IQSEC1: variants seen among roughly 807,000 people sequenced by gnomAD.
IQSEC1 encodes the protein IQ motif and SEC7 domain-containing protein 1.
In IQSEC1, 31 loss-of-function variants were observed where a neutral mutation model predicts 91.0. The ratio of observed to expected loss-of-function variants is 0.34; its 90% CI spans 0.26 to 0.46. IQSEC1 has a LOEUF of 0.46. IQSEC1 is among the 20% of genes least tolerant of loss of function. The probability of loss-of-function intolerance (pLI) is 1.00; values close to 1 mark genes in which losing one functional copy is unlikely to be tolerated. For missense variants in IQSEC1, 1,388 were observed against 1,575.6 expected (o/e 0.88, Z 2.02); for synonymous variants, 699 against 662.6 (o/e 1.05, Z -0.84).
intron 1 of IQSEC1, among the ~76,000 whole-genome samples, chr3:13,048,806 C>A (rs756396311): frequency 1.3e-4 from 20 of 152,332 alleles, no homozygotes; most frequent in Middle Eastern, 6.8e-3. Context: ...CACGCCATCC[C>A]TTAGGGACTC....
At chr3:13,106,419 C>G (rs1706152883) in intron 2 of IQSEC1, among the ~76,000 whole-genome samples, 1 of 152,140 alleles carries the variant, frequency 6.6e-6, no homozygotes. Context: ...AGTCTCTGTT[C>G]CGAGCACTTG....
At chr3:13,161,685 T>G (rs191806765) in intron 2 of IQSEC1, among the ~76,000 whole-genome samples, 1 of 152,332 alleles carries the variant, frequency 6.6e-6, no homozygotes, top group African/African-American at 2.4e-5. Context: ...CATCTTAGCC[T>G]CAGCAACACT....
chr3:12,901,942 C>G (rs1238164909), intron 13 of IQSEC1, among the ~76,000 whole-genome samples: 3 of 151,908 alleles, frequency 2.0e-5, no homozygotes, highest in Non-Finnish European at 4.4e-5. Flanking sequence ...CTGCTGAAAA[C>G]AGGGCCCTCA....
rs1694367955 is a variant in IQSEC1, at chr3:13,207,654, C to T, written c.273-43521G>A. Among the ~76,000 whole-genome samples, 1 of 152,210 alleles carries T rather than the reference C, an allele frequency of 6.6e-6. No individual in the cohort carries two copies. Among genetic ancestry groups the T allele is most frequent in the Admixed American group, 6.5e-5 (1 of 15,292 alleles). ...TGAGGCTCCTCACTTGTCCCCACCC[C>T]AGAGCCTCTGCACCCAGGGCTCCTT... On this transcript the variant is annotated intron_variant, in intron 1 of 15. Coordinates refer to the IQSEC1 transcript ENST00000648114. The surrounding 1 kb of genome is among the most constrained non-coding windows in gnomAD (Gnocchi z 4.8).
chr3:12,946,777 G>A (rs1184010809), intron 1 of IQSEC1, among the ~76,000 whole-genome samples: 2 of 152,172 alleles, frequency 1.3e-5, no homozygotes, highest in African/African-American at 2.4e-5. Flanking sequence ...AAAAAGCCAG[G>A]AGCAAAAATA....
intron 1 of IQSEC1, among the ~76,000 whole-genome samples, chr3:13,049,511 TCA>T (rs1227729639): frequency 2.6e-5 from 4 of 152,192 alleles, no homozygotes; most frequent in Non-Finnish European, 5.9e-5. Flanking sequence ...TGCTCCCACT[TCA>T]CAGAGGCTGA....
At chr3:13,213,766 T>C (rs1214910294) in intron 1 of IQSEC1, among the ~76,000 whole-genome samples, 2 of 152,044 alleles carry the variant, frequency 1.3e-5, no homozygotes, top group African/African-American at 4.8e-5. Flanking sequence ...AGGGATGGGA[T>C]TGGGAACATC....
At chr3:13,122,901 G>A (rs1706448291) in intron 2 of IQSEC1, among the ~76,000 whole-genome samples, 1 of 152,206 alleles carries the variant, frequency 6.6e-6, no homozygotes, top group African/African-American at 2.4e-5. Context: ...ATCTAATGGA[G>A]GAAGAGCCTT....
In IQSEC1 at chr3:13,154,460, T is replaced by TATATAC. The variant is rs1553569713; in HGVS notation, c.302+9643_302+9644insGTATAT. The stretch of plus-strand genomic sequence containing the variant: ...ATGCATATATATATATATATATATA[T>TATATAC]ATATATATATATATATGCAAAAACT... On this transcript the variant is annotated intron_variant, in intron 2 of 15. Coordinates refer to the IQSEC1 transcript ENST00000648114. Among the ~76,000 whole-genome samples, 8 of 59,434 alleles carry TATATAC rather than the reference T, an allele frequency of 1.3e-4. 3 individuals carry two copies. Among genetic ancestry groups the TATATAC allele is most frequent in the African/African-American group, 5.9e-4 (8 of 13,496 alleles). The allele number at this position is 59,434 out of a possible 152,430, so 39.0% of individuals were successfully genotyped here. A position where few individuals can be genotyped will look rare whatever the true frequency, so the allele number is the denominator to read the frequency against.
At chr3:13,107,851 C>G (rs937459832) in intron 2 of IQSEC1, among the ~76,000 whole-genome samples, 5 of 152,214 alleles carry the variant, frequency 3.3e-5, no homozygotes, top group African/African-American at 1.2e-4. Context: ...TCCGGAACGC[C>G]CAGCGGCCTG....
At chr3:13,010,481 A>C (rs1214562419) in intron 1 of IQSEC1, among the ~76,000 whole-genome samples, 2 of 152,176 alleles carry the variant, frequency 1.3e-5, no homozygotes, top group Non-Finnish European at 2.9e-5. Context: ...GGATATGACA[A>C]ATGTCGACCT....
intron 1 of IQSEC1, among the ~76,000 whole-genome samples, chr3:13,169,101 G>A (rs1693555549): frequency 6.6e-6 from 1 of 152,208 alleles, no homozygotes; most frequent in Non-Finnish European, 1.5e-5. Flanking sequence ...TGGTTTGGGT[G>A]TGTCCCCACC....
At chr3:12,989,769 G>T (rs1701903333) in intron 1 of IQSEC1, among the ~76,000 whole-genome samples, 1 of 152,100 alleles carries the variant, frequency 6.6e-6, no homozygotes. Context: ...TGTTTTTCCG[G>T]TCTCTTCCAA....
In IQSEC1 at chr3:13,073,151, G is replaced by A. The variant is rs1705491545; in HGVS notation, c.-137C>T. ...ATCGCGGGGCGAGTCACATTCCCGGGGGTGGCGGGCTCCTCCAGGGAGGCT... is the reference window on the plus strand; with the variant it reads ...ATCGCGGGGCGAGTCACATTCCCGGAGGTGGCGGGCTCCTCCAGGGAGGCT... On this transcript the variant is annotated 5_prime_UTR_variant, in exon 1 of 14. Coordinates refer to ENST00000613206, the MANE Select transcript of IQSEC1 (RefSeq NM_001134382.3). 9.4e-7 allele frequency: 1 copy of A among 1,067,666 alleles called. No individual in the cohort carries two copies. 66.1% of individuals were successfully genotyped at this position (1,067,666 alleles called of 1,614,324 possible).
Position 12,924,787 on chromosome 3 carries a change from C to T in IQSEC1, c.1569-45G>A. On this transcript the variant is annotated intron_variant, in intron 3 of 13. Transcript: ENST00000613206. The surrounding 1 kb of genome is among the most constrained non-coding windows in gnomAD (Gnocchi z 6.3). ...ACACTCAGTCCCAGCTGCCCGGCCA[C>T]CAGCCAGGCACCTGGAGGGGATCTC... is the stretch of plus-strand genomic sequence containing the variant. The T allele has an allele frequency of 2.7e-6, 4 of 1,500,074 alleles. No individual in the cohort carries two copies. The highest frequency in any genetic ancestry group is 3.6e-6 in the Non-Finnish European group (4 of 1,117,078). The allele number at this position is 1,500,074 out of a possible 1,614,324, so 92.9% of individuals were successfully genotyped here.
chr3:12,945,214 A>C (rs1332701172), intron 1 of IQSEC1, among the ~76,000 whole-genome samples: 1 of 151,982 alleles, frequency 6.6e-6, no homozygotes, highest in Non-Finnish European at 1.5e-5. Flanking sequence ...TGGGGATAGG[A>C]TTGCAATGGT....
Position 12,909,339 on chromosome 3 carries a change from T to A in IQSEC1, c.2512A>T (p.Lys838Ter). The change falls in exon 11 of 14, where the codon AAA (lysine) becomes TAA (stop). Residue 838 changes from lysine to a stop codon, truncating the protein, a stop_gained. Coordinates refer to ENST00000613206, the MANE Select transcript of IQSEC1 (RefSeq NM_001134382.3). LOFTEE classifies it high-confidence loss of function. This position sits in a 1 kb window ranked among gnomAD's most constrained non-coding sequence, Gnocchi z 4.9. Reference sequence around the variant, plus strand: ...GACTCCCGCAGGTCATCGGTGAATTTCTTCCGGTCTTGAGGGTTGGGGGCG... The same window carrying A: ...GACTCCCGCAGGTCATCGGTGAATTACTTCCGGTCTTGAGGGTTGGGGGCG... ...FNAPNPQDRK[K>*]FTDDLRESIA... The A allele has an allele frequency of 6.2e-7, 1 of 1,614,232 alleles. No individual in the cohort carries two copies. The highest frequency in any genetic ancestry group is 8.5e-7 in the Non-Finnish European group (1 of 1,180,038).
intron 2 of IQSEC1, among the ~76,000 whole-genome samples, chr3:13,115,047 G>A (rs368891652): frequency 6.6e-6 from 1 of 152,156 alleles, no homozygotes; most frequent in Admixed American, 6.5e-5. Flanking sequence ...GGGGGGCTGT[G>A]GGGGCTGGAA....
Position 12,900,857 on chromosome 3 carries a change from G to C in IQSEC1, c.*126C>G, listed in dbSNP as rs908420846. 2 of 1,528,952 alleles carry C rather than the reference G, an allele frequency of 1.3e-6. No homozygotes were observed. Among genetic ancestry groups the C allele is most frequent in the Admixed American group, 2.0e-5 (1 of 50,308 alleles). The allele number at this position is 1,528,952 out of a possible 1,614,324, so 94.7% of individuals were successfully genotyped here. On this transcript the variant is annotated 3_prime_UTR_variant, in exon 14 of 14. Transcript: ENST00000613206. ...GGGCTCCTGGGGCTCCGGTTGGGCCGTGAGGGGCAGAGGGGAGAGATGGCA... is the reference window on the plus strand; with the variant it reads ...GGGCTCCTGGGGCTCCGGTTGGGCCCTGAGGGGCAGAGGGGAGAGATGGCA...
Sources: allele counts gnomAD v4.1 joint callset (sites outside exome capture counted in the v4.1 genomes callset), GRCh38; gene constraint gnomAD v4.1.1; non-coding constraint Gnocchi (gnomAD v3.1); transcripts MANE v1.5; gene names NCBI Gene and HGNC (gene_info 2026-07-23, HGNC 2026-07-21).